Variants in DNAH9 observed in about 807,000 individuals in gnomAD.
DNAH9 encodes the protein dynein axonemal heavy chain 9.
A neutral mutation model predicts 471.6 loss-of-function variants in DNAH9; 345 were observed. The ratio of observed to expected loss-of-function variants is 0.73; its 90% CI spans 0.67 to 0.80. The LOEUF (loss-of-function observed/expected upper bound fraction) is 0.80. Ranked by LOEUF, DNAH9 falls within the 30% of genes least tolerant of loss-of-function variation. The probability of loss-of-function intolerance (pLI) is 0.00; values close to 1 mark genes in which losing one functional copy is unlikely to be tolerated. For missense variants in DNAH9, 5,407 were observed against 5,609.2 expected (o/e 0.96, Z 1.15); for synonymous variants, 2,093 against 2,123.6 (o/e 0.99, Z 0.40).
At position 11,664,823 on chromosome 17, in the gene DNAH9, C is replaced by T. The variant is rs2073838119; in HGVS notation, c.2596-10C>T. ...AACGAGGTTTATATCCTTTCTTCTT[C>T]CTTTTATAGGAAAACCTGGGTCTAT... On this transcript the variant is annotated splice_polypyrimidine_tract_variant and intron_variant, in intron 14 of 68. Transcript: ENST00000262442. 6.2e-7 allele frequency: 1 copy of T among 1,610,014 alleles called. No individual in the cohort carries two copies. The highest frequency in any genetic ancestry group is 1.3e-5 in the African/African-American group (1 of 74,798).
chr17:11,621,002 C>T (rs1379469210), intron 6 of DNAH9, among the ~76,000 whole-genome samples: 1 of 152,090 alleles, frequency 6.6e-6, no homozygotes, highest in Admixed American at 6.6e-5. Flanking sequence ...TAACAGGTCT[C>T]TCAACATTTT....
chr17:11,757,489 A>G, intron 34 of DNAH9, 56 bp from the exon 35 acceptor site: 1 of 1,470,858 alleles, frequency 6.8e-7, no homozygotes, highest in Non-Finnish European at 9.3e-7. Context: ...CCCTGGGGTG[A>G]AAAATATAAT....
Position 11,768,509 on chromosome 17 carries a change from C to G in DNAH9, c.7227C>G (p.Val2409=), listed in dbSNP as rs1383873097. 3.7e-6 allele frequency: 6 copies of G among 1,614,196 alleles called. No individual in the cohort carries two copies. Among genetic ancestry groups the G allele is most frequent in the Non-Finnish European group, 4.2e-6 (5 of 1,180,034 alleles). Residue 2409 remains valine (V), a synonymous_variant, in exon 37 of 69, where the codon GTC becomes GTG. Transcript: ENST00000262442. ...GGTGGCTGACTGAGTTCAAAACAGT[C>G]AAGTTTCCTTCCCAAGGAACCATCT... is the stretch of plus-strand genomic sequence containing the variant. ...SKWWLTEFKT[V]KFPSQGTIFD... is the part of the protein sequence containing the mutation.
chr17:11,665,945 C>T (rs2073858552), intron 15 of DNAH9, among the ~76,000 whole-genome samples: 1 of 152,144 alleles, frequency 6.6e-6, no homozygotes, highest in Admixed American at 6.5e-5. Flanking sequence ...GAGTGTAGCC[C>T]CAATGGCCAT....
At chr17:11,878,580 G>A (rs544493113) in intron 53 of DNAH9, among the ~76,000 whole-genome samples, 2 of 149,664 alleles carry the variant, frequency 1.3e-5, no homozygotes, top group Admixed American at 1.3e-4. Flanking sequence ...TTTTAAGACA[G>A]GGTCTTACTC....
intron 56 of DNAH9, among the ~76,000 whole-genome samples, chr17:11,884,943 T>C (rs1185768451): frequency 6.6e-6 from 1 of 152,114 alleles, no homozygotes; most frequent in African/African-American, 2.4e-5. Flanking sequence ...ATCTTTTTCT[T>C]TAAAATCAAT....
At chr17:11,792,234 G>A (rs58613533) in intron 41 of DNAH9, among the ~76,000 whole-genome samples, 3,569 of 152,142 alleles carry the variant, frequency 0.023, 128 homozygotes, top group African/African-American at 0.081. Flanking sequence ...AGATCACACC[G>A]TTGCACTCCA....
intron 20 of DNAH9, among the ~76,000 whole-genome samples, chr17:11,691,023 A>G (rs113496096): frequency 0.024 from 3,692 of 152,002 alleles, 152 homozygotes; most frequent in African/African-American, 0.083. Context: ...CTCTCAGTGG[A>G]CTCTGATTCA....
chr17:11,837,221 G>A (rs960596094), intron 49 of DNAH9, among the ~76,000 whole-genome samples: 1 of 152,334 alleles, frequency 6.6e-6, no homozygotes, highest in South Asian at 2.1e-4. Flanking sequence ...AACTTGTGAA[G>A]TGATGGAATA....
chr17:11,615,618 G>T (rs1567665974), intron 4 of DNAH9, among the ~76,000 whole-genome samples: 1 of 149,032 alleles, frequency 6.7e-6, no homozygotes. Context: ...TATGAGCCCA[G>T]CTCTCTCTCT....
Position 11,762,770 on chromosome 17 carries a change from G to GTTTTTTTTTTTTTTT in DNAH9, c.6996-657_6996-643dup, listed in dbSNP as rs563544881. Among the ~76,000 whole-genome samples the GTTTTTTTTTTTTTTT allele has an allele frequency of 3.7e-4, 34 of 90,784 alleles. 2 individuals are homozygous for GTTTTTTTTTTTTTTT. The highest frequency in any genetic ancestry group is 7.1e-3 in the Middle Eastern group (1 of 140). The allele number at this position is 90,784 out of a possible 152,430, so 59.6% of individuals were successfully genotyped here. On this transcript the variant is annotated intron_variant, in intron 35 of 68. Coordinates refer to ENST00000262442, the MANE Select transcript of DNAH9 (RefSeq NM_001372.4). ...CCTCTTTAGGTGCGTTTTTTTTTTTGTTTTTTTTTTTTTTTTTTTTTTTTT... is the reference window on the plus strand; with the variant it reads ...CCTCTTTAGGTGCGTTTTTTTTTTTGTTTTTTTTTTTTTTTTTTTTTTTTTTTTTTTTTTTTTTTT...
chr17:11,699,696 G>C, intron 22 of DNAH9, 35 bp from the exon 23 acceptor site: 4 of 1,606,974 alleles, frequency 2.5e-6, no homozygotes, highest in Non-Finnish European at 3.4e-6. Flanking sequence ...TCCCGAACAT[G>C]TTTTATGATC....
chr17:11,830,020 T>C (rs559428436), intron 48 of DNAH9, among the ~76,000 whole-genome samples: 1 of 152,182 alleles, frequency 6.6e-6, no homozygotes, highest in Non-Finnish European at 1.5e-5. Context: ...GAGGGACTTT[T>C]CCTCCTTCTC....
chr17:11,954,806 C>T (rs981672240), intron 67 of DNAH9, among the ~76,000 whole-genome samples: 2 of 148,116 alleles, frequency 1.4e-5, no homozygotes, highest in Non-Finnish European at 3.0e-5. Flanking sequence ...AAAGAAATTT[C>T]TTAGAAAGAA....
intron 49 of DNAH9, among the ~76,000 whole-genome samples, chr17:11,840,594 A>G (rs999767396): frequency 2.0e-5 from 3 of 152,226 alleles, no homozygotes; most frequent in African/African-American, 7.2e-5. Flanking sequence ...TCTCTGAAGC[A>G]TGTGAATGTT....
chr17:11,599,759 C>G (rs913299937), intron 1 of DNAH9, among the ~76,000 whole-genome samples: 3 of 152,142 alleles, frequency 2.0e-5, no homozygotes, highest in African/African-American at 7.2e-5. Context: ...GCTTGATGCC[C>G]TGGACCCTGC....
At chr17:11,759,017 G>A (rs1240289703) in intron 35 of DNAH9, among the ~76,000 whole-genome samples, 2 of 151,868 alleles carry the variant, frequency 1.3e-5, no homozygotes, top group East Asian at 1.9e-4. Context: ...TATCACAGAT[G>A]GACTAGGGCA....
At position 11,705,025 on chromosome 17, in the gene DNAH9, G is replaced by A. The variant is rs1317953384; in HGVS notation, c.5392G>A (p.Val1798Ile). Residue 1798 changes from valine (V) to isoleucine (I), a missense_variant and splice_region_variant, in exon 26 of 69, where the codon GTA becomes ATA. Val to Ile is a conservative substitution (Grantham distance 29). Coordinates refer to ENST00000262442, the MANE Select transcript of DNAH9 (RefSeq NM_001372.4). Reference protein sequence around the residue: ...DVVAKMIAQKVDNAQAFLWLS... With the variant: ...DVVAKMIAQKIDNAQAFLWLS... ...ACCTACTCTACCACTCTCTCTTTAG[G>A]TAGACAATGCCCAGGCTTTCCTCTG... 6.2e-7 allele frequency: 1 copy of A among 1,613,936 alleles called. No individual in the cohort carries two copies.
intron 27 of DNAH9, among the ~76,000 whole-genome samples, 183 bp downstream of exon 27, chr17:11,719,673 G>A (rs992727117): frequency 2.0e-5 from 3 of 152,000 alleles, no homozygotes; most frequent in African/African-American, 7.2e-5. Context: ...GAGTTTTTTG[G>A]CCTCCCTATA....
Sources: gnomAD v4.1 joint callset for allele counts (sites outside exome capture counted in the v4.1 genomes callset) on GRCh38, gnomAD v4.1.1 for gene constraint, MANE v1.5 for transcripts, NCBI Gene and HGNC (gene_info 2026-07-23, HGNC 2026-07-21) for gene names.